CTBP1: variants seen among roughly 807,000 people sequenced by gnomAD.
CTBP1 encodes C-terminal binding protein 1.
In CTBP1, 11 loss-of-function variants were observed where a neutral mutation model predicts 42.1. That is an observed-to-expected ratio of 0.26 (90% confidence interval 0.16 to 0.43). The LOEUF is 0.43. Ranked by LOEUF, CTBP1 falls within the 20% of genes least tolerant of loss-of-function variation. The pLI, the probability that CTBP1 is intolerant of heterozygous loss-of-function variation, is 1.00. For missense variants in CTBP1, 399 were observed against 624.3 expected, an observed-to-expected ratio of 0.64 and a Z score of 3.85; for synonymous variants, 324 against 277.1, an observed-to-expected ratio of 1.17 and a Z score of -1.68.
At chr4:1,245,817 T>G (rs908618222) in intron 1 of CTBP1, among the ~76,000 whole-genome samples, 1 of 150,732 alleles carries the variant, frequency 6.6e-6, no homozygotes, top group Non-Finnish European at 1.5e-5. Context: ...CAGGGGAGGG[T>G]GCAGAAGGGG....
chr4:1,228,362 C>G lies in CTBP1; in HGVS notation c.163-19G>C, dbSNP rs369335392. On this transcript the variant is annotated intron_variant, in intron 3 of 9. Coordinates refer to ENST00000382952, the MANE Select transcript of CTBP1 (RefSeq NM_001012614.2). ...TCAGGACCTGCAGCGAGAAAGCACA[C>G]AGGCTCAGCCCGGAACCTGAAGACC... The G allele has an allele frequency of 2.5e-6, 4 of 1,609,126 alleles. No homozygotes were observed. The highest frequency in any genetic ancestry group is 2.7e-5 in the African/African-American group (2 of 74,822).
chr4:1,237,472 C>T lies in CTBP1; in HGVS notation c.162+711G>A, dbSNP rs1731656165. 5.9e-6 allele frequency: 4 copies of T among 683,580 alleles called. No homozygotes were observed. The South Asian group carries it at 6.1e-5, about 10-fold the overall frequency. 42.3% of individuals were successfully genotyped at this position (683,580 alleles called of 1,614,324 possible). The stretch of plus-strand genomic sequence containing the variant: ...TGGAGCTCAGTGAAAACCCGGTGTT[C>T]ACCTCCTGATGGTGTGCAGGGAAAA... On this transcript the variant is annotated intron_variant, in intron 3 of 9. Transcript: ENST00000382952.
In CTBP1 at chr4:1,235,306, A is replaced by G. The variant is rs1250108; in HGVS notation, c.162+2877T>C. 53,570 of 152,078 alleles carry G rather than the reference A, an allele frequency of 0.35. 10,062 individuals carry two copies. The highest frequency in any genetic ancestry group is 0.5 in the Middle Eastern group (147 of 294). The allele number at this position is 152,078 out of a possible 1,614,324, so 9.4% of individuals were successfully genotyped here. A position where few individuals can be genotyped will look rare whatever the true frequency, so the allele number is the denominator to read the frequency against. On this transcript the variant is annotated intron_variant, in intron 3 of 9. Coordinates refer to ENST00000382952, the MANE Select transcript of CTBP1 (RefSeq NM_001012614.2). This position sits in a 1 kb window ranked among gnomAD's most constrained non-coding sequence, Gnocchi z 4.2. ...CACGCATCTACCCGTGTGAGAAACC[A>G]TGAAGAATCTTCCAGAGCGAACGCC...
intron 4 of CTBP1, among the ~76,000 whole-genome samples, chr4:1,227,846 G>A (rs1487023705): frequency 6.6e-6 from 1 of 152,216 alleles, no homozygotes; most frequent in African/African-American, 2.4e-5. Flanking sequence ...GCTGTGTCTC[G>A]GGACAGAGAC....
chr4:1,234,104 CT>C (rs1236675791), intron 3 of CTBP1, among the ~76,000 whole-genome samples: 1 of 152,190 alleles, frequency 6.6e-6, no homozygotes, highest in Admixed American at 6.5e-5. Flanking sequence ...TTGGCCACCC[CT>C]AGTGGCAAGA....
chr4:1,247,926 G>A (rs566385267), intron 1 of CTBP1, among the ~76,000 whole-genome samples: 1 of 152,344 alleles, frequency 6.6e-6, no homozygotes, highest in South Asian at 2.1e-4. Flanking sequence ...AGGGAATTCT[G>A]TCCCGGCAAT....
intron 3 of CTBP1, chr4:1,230,988 G>A (rs1240017977): frequency 2.6e-5 from 4 of 152,238 alleles, no homozygotes; most frequent in Non-Finnish European, 5.9e-5. Flanking sequence ...ACTTTTTTCA[G>A]GTCCTTGCCC....
At position 1,241,423 on chromosome 4, in the gene CTBP1, C is replaced by A; in HGVS notation, c.-92G>T. 2 of 1,458,068 alleles carry A rather than the reference C, an allele frequency of 1.4e-6. No individual in the cohort carries two copies. Among genetic ancestry groups the A allele is most frequent in the South Asian group, 1.1e-5 (1 of 87,906 alleles). The allele number at this position is 1,458,068 out of a possible 1,614,324, so 90.3% of individuals were successfully genotyped here. A position where few individuals can be genotyped will look rare whatever the true frequency, so the allele number is the denominator to read the frequency against. On this transcript the variant is annotated 5_prime_UTR_variant, in exon 2 of 10. Transcript: ENST00000382952. ...CCCCAGGCAGAACCGCGTCCTGTCT[C>A]GGAGCCTCATCCCACGTCCTTAATT...
rs750734000 is a variant in CTBP1 at position 1,216,041 on chromosome 4, C to A, written c.679G>T (p.Gly227Cys). The change falls in exon 6 of 10, where the codon GGC becomes TGC. Residue 227 changes from glycine to cysteine, a missense_variant. Physicochemically the swap from Gly to Cys is radical, Grantham distance 159 (BLOSUM62 -3). Around this residue, in one of 4 missense-constraint regions of CTBP1, gnomAD observed 309 missense variants for 497.5 expected, o/e 0.62. Transcript: ENST00000382952. ...AGGTGGTGGTTGTGCTCGTTGAGGCCGCAGTGCAGGGTCACGCAGTCGCTG... is the reference window on the plus strand; with the variant it reads ...AGGTGGTGGTTGTGCTCGTTGAGGCAGCAGTGCAGGGTCACGCAGTCGCTG... The part of the protein sequence containing the change: ...FHSDCVTLHC[G>C]LNEHNHHLIN... 1 of 1,611,684 alleles carries A rather than the reference C, an allele frequency of 6.2e-7. No individual in the cohort carries two copies. The highest frequency in any genetic ancestry group is 8.5e-7 in the Non-Finnish European group (1 of 1,179,874).
At chr4:1,212,596 C>A (rs563537448) in intron 9 of CTBP1, 173 bp from the exon 10 acceptor site, 3 of 661,678 alleles carry the variant, frequency 4.5e-6, no homozygotes, top group South Asian at 2.1e-5. Flanking sequence ...CTTCTCAGGG[C>A]TGGGGAGGGG....
intron 1 of CTBP1, chr4:1,241,875 G>A (rs1437969160): frequency 1.5e-5 from 16 of 1,094,074 alleles, no homozygotes; most frequent in Non-Finnish European, 1.8e-5. Context: ...CAGGGTGTGT[G>A]CTGTGGGCAG....
At chr4:1,224,982 T>G (rs932610381) in intron 5 of CTBP1, among the ~76,000 whole-genome samples, 1 of 152,014 alleles carries the variant, frequency 6.6e-6, no homozygotes, top group Non-Finnish European at 1.5e-5. Flanking sequence ...TGTGAGGCTG[T>G]GTACTGTGAC....
intron 3 of CTBP1, among the ~76,000 whole-genome samples, chr4:1,228,723 G>C (rs1577048954): frequency 1.3e-5 from 2 of 152,114 alleles, no homozygotes; most frequent in African/African-American, 4.8e-5. Flanking sequence ...ACACAGGAGG[G>C]GGGGTGCGGC....
chr4:1,244,867 G>A (rs1478648698), intron 1 of CTBP1: 1 of 985,350 alleles, frequency 1.0e-6, no homozygotes, highest in Non-Finnish European at 1.2e-6. Flanking sequence ...GTGCTGCCCA[G>A]CCAGGGGCTG....
At chr4:1,240,158 C>T (rs1374688869) in intron 2 of CTBP1, among the ~76,000 whole-genome samples, 6 of 150,960 alleles carry the variant, frequency 4.0e-5, no homozygotes, top group South Asian at 2.1e-4. Flanking sequence ...GAGTGGGAAC[C>T]GGGTCCCTCG....
chr4:1,212,723 C>T, intron 9 of CTBP1, 190 bp downstream of exon 9: 1 of 633,302 alleles, frequency 1.6e-6, no homozygotes, highest in Non-Finnish European at 2.7e-6. Context: ...GAAGGCCACC[C>T]CAGCCCAGGC....
In CTBP1 at chr4:1,242,186, G is replaced by A. The variant is rs556463130; in HGVS notation, c.-188-667C>T. The A allele has an allele frequency of 4.1e-5, 40 of 985,452 alleles. No homozygotes were observed. In the South Asian group the frequency reaches 1.6e-3, roughly 41 times the overall value. The allele number at this position is 985,452 out of a possible 1,614,324, so 61.0% of individuals were successfully genotyped here. ...AGGGCACGAACCCCAGTGGCTGAAT[G>A]CACAGGGGCAGGGGGCCCCTGAGAG... is the stretch of plus-strand genomic sequence containing the variant. On this transcript the variant is annotated intron_variant, in intron 1 of 9. Transcript: ENST00000382952.
In CTBP1 at chr4:1,212,292, C is replaced by T; in HGVS notation, c.1238G>A (p.Gly413Asp). 6.5e-7 allele frequency: 1 copy of T among 1,533,752 alleles called. No individual in the cohort carries two copies. The highest frequency in any genetic ancestry group is 8.8e-7 in the Non-Finnish European group (1 of 1,142,818). ...VAHPPHAPSP[G>D]QTVKPEADRD... The stretch of plus-strand genomic sequence containing the variant: ...ATCCGCCTCGGGCTTGACGGTTTGG[C>T]CAGGAGAAGGGGCGTGGGGCGGGTG... Residue 413 changes from glycine (G) to aspartate (D), a missense_variant, in exon 10 of 10, where the codon GGC (glycine) becomes GAC (aspartate). Transcript: ENST00000382952.
chr4:1,237,913 A>G (rs1218963082), intron 3 of CTBP1: 6 of 674,856 alleles, frequency 8.9e-6, no homozygotes, highest in Admixed American at 2.1e-5. Flanking sequence ...GGGGCTCAGG[A>G]CAAACGTGGT....
Sources: gnomAD v4.1 joint callset for allele counts (sites outside exome capture counted in the v4.1 genomes callset) on GRCh38, gnomAD v4.1.1 for gene constraint, gnomAD v4.1.1 regional missense constraint, Gnocchi (gnomAD v3.1) non-coding constraint, MANE v1.5 for transcripts, NCBI Gene and HGNC (gene_info 2026-07-23, HGNC 2026-07-21) for gene names.